The following CLEC6A variants were observed in gnomAD, a reference collection of about 807,000 sequenced individuals.
The protein encoded by CLEC6A is C-type lectin domain containing 6A, also known as C-type lectin domain family 6 member A.
CLEC6A carries 22 observed loss-of-function variants against 25.7 expected under a neutral mutation model. The ratio of observed to expected loss-of-function variants is 0.85; its 90% CI spans 0.61 to 1.22. The LOEUF (loss-of-function observed/expected upper bound fraction) is 1.22, where lower values mean the gene tolerates loss of function less well. Among genes scored for constraint, CLEC6A ranks in the 50% most tolerant of loss-of-function variants. The pLI is 0.00. For missense variants in CLEC6A, 240 were observed against 236.8 expected (o/e 1.01, Z -0.09); for synonymous variants, 92 against 76.7 (o/e 1.20, Z -1.04).
At chr12:8,468,894 C>T (rs558769854) in intron 4 of CLEC6A, among the ~76,000 whole-genome samples, 2 of 152,068 alleles carry the variant, frequency 1.3e-5, no homozygotes, top group African/African-American at 2.4e-5. Flanking sequence ...AGGATGCCCA[C>T]TCTTACCATT....
chr12:8,463,072 A>G (rs1374873456), intron 3 of CLEC6A, among the ~76,000 whole-genome samples: 1 of 152,210 alleles, frequency 6.6e-6, no homozygotes, highest in African/African-American at 2.4e-5. Flanking sequence ...AACAATCAGA[A>G]ACATGTATTG....
At position 8,477,320 on chromosome 12, in the gene CLEC6A, A is replaced by C. The variant is rs1004349180; in HGVS notation, c.486A>C (p.Arg162Ser). The C allele has an allele frequency of 1.6e-5, 25 of 1,602,522 alleles. No individual in the cohort carries two copies. The highest frequency in any genetic ancestry group is 2.1e-5 in the Non-Finnish European group (25 of 1,175,840). ...GTACTACCTTTTTGTTTTCCTTTAG[A>C]TTTTGGCACCTAGGTGAGCCCAATC... ...IDKTPYEKNVRFWHLGEPNHS... is the reference protein window; with the variant it reads ...IDKTPYEKNVSFWHLGEPNHS... The change falls in exon 6 of 6, where the codon AGA (arginine) becomes AGC (serine). Residue 162 changes from arginine (R) to serine (S), a missense_variant and splice_region_variant. Arg to Ser is a moderately radical substitution (Grantham distance 110). Coordinates refer to ENST00000382073, the MANE Select transcript of CLEC6A (RefSeq NM_001007033.2).
At chr12:8,460,866 G>T in intron 3 of CLEC6A, 3 of 897,182 alleles carry the variant, frequency 3.3e-6, no homozygotes, top group Non-Finnish European at 5.6e-6. Flanking sequence ...CTTACCGCAA[G>T]CCTGTCTATC....
Position 8,477,461 on chromosome 12 carries a change from A to C in CLEC6A, c.627A>C (p.Leu209=). 6.2e-7 allele frequency: 1 copy of C among 1,600,836 alleles called. No homozygotes were observed. The highest frequency in any genetic ancestry group is 8.5e-7 in the Non-Finnish European group (1 of 1,174,654). Residue 209 remains leucine, a synonymous_variant, in exon 6 of 6, where the codon CTA becomes CTC. Transcript: ENST00000382073. ...NSICEMNKIY[L] ...TATGTGAGATGAATAAGATTTACCT[A>C]TGAGTAGAAGCTTAATTGGAAAGAA...
chr12:8,457,152 G>C lies in CLEC6A; in HGVS notation c.32-746G>C, dbSNP rs190475697. ...AACTACAGTTATCCTGCTGTGCTAA[G>C]GGACACTAGATTTTATTTCTTCTAG... On this transcript the variant is annotated intron_variant, in intron 1 of 5. Coordinates refer to ENST00000382073, the MANE Select transcript of CLEC6A (RefSeq NM_001007033.2). 2.6e-5 allele frequency among the ~76,000 whole-genome samples: 4 copies of C among 151,962 alleles called. No homozygotes were observed. The East Asian group carries it at 7.7e-4, about 29-fold the overall frequency.
chr12:8,460,608 A>G (rs10770739), intron 3 of CLEC6A: 998,463 of 1,272,610 alleles, frequency 0.78, 394,828 homozygotes, highest in East Asian at 0.99. Context: ...AAGCCATCAC[A>G]TAAGTCAAGA....
At chr12:8,470,787 T>G (rs1303107763) in intron 4 of CLEC6A, among the ~76,000 whole-genome samples, 1 of 151,992 alleles carries the variant, frequency 6.6e-6, no homozygotes, top group Non-Finnish European at 1.5e-5. Flanking sequence ...GACTACACAT[T>G]GGGTACAGTG....
At chr12:8,473,010 T>G (rs1240762136) in intron 4 of CLEC6A, among the ~76,000 whole-genome samples, 1 of 9,786 alleles carries the variant, frequency 1.0e-4, no homozygotes, top group African/African-American at 2.1e-4. Flanking sequence ...TTTTTTTTTT[T>G]TTTGAGACGG....
chr12:8,469,615 A>G (rs1939879048), intron 4 of CLEC6A, among the ~76,000 whole-genome samples: 1 of 152,096 alleles, frequency 6.6e-6, no homozygotes, highest in Non-Finnish European at 1.5e-5. Context: ...AGAATAGAGA[A>G]CCCAGAAATA....
intron 3 of CLEC6A, chr12:8,461,166 T>A: frequency 7.7e-7 from 1 of 1,291,896 alleles, no homozygotes; most frequent in Admixed American, 1.7e-5. Flanking sequence ...TCCACCACAC[T>A]ATTTGTGGTT....
At chr12:8,474,677 C>G (rs1345828135) in intron 4 of CLEC6A, among the ~76,000 whole-genome samples, 1 of 152,084 alleles carries the variant, frequency 6.6e-6, no homozygotes, top group East Asian at 1.9e-4. Flanking sequence ...ACTTGTTAAG[C>G]CTTCAGGTTC....
At chr12:8,476,262 T>A (rs1939973350) in intron 5 of CLEC6A, 22 bp downstream of exon 5, 1 of 1,363,584 alleles carries the variant, frequency 7.3e-7, no homozygotes, top group African/African-American at 1.5e-5. Flanking sequence ...TCTGGGGCCT[T>A]GTTTACATAG....
chr12:8,460,867 C>A, intron 3 of CLEC6A: 1 of 895,230 alleles, frequency 1.1e-6, no homozygotes, highest in Non-Finnish European at 1.9e-6. Context: ...TTACCGCAAG[C>A]CTGTCTATCA....
chr12:8,467,581 C>G (rs993458800), intron 4 of CLEC6A, among the ~76,000 whole-genome samples: 1 of 152,122 alleles, frequency 6.6e-6, no homozygotes, highest in Non-Finnish European at 1.5e-5. Context: ...CACACTGCTT[C>G]GATTACTGTA....
Position 8,455,964 on chromosome 12 carries a change from T to G in CLEC6A, c.-148T>G. The G allele has an allele frequency of 2.0e-6, 1 of 493,578 alleles. No individual in the cohort carries two copies. Among genetic ancestry groups the G allele is most frequent in the African/African-American group, 1.9e-5 (1 of 51,756 alleles). 30.6% of individuals were successfully genotyped at this position (493,578 alleles called of 1,614,324 possible). On this transcript the variant is annotated 5_prime_UTR_variant, in exon 1 of 6. An upstream start codon of the reference 5' UTR is lost. Transcript: ENST00000382073. Reference sequence around the variant, plus strand: ...ACTTCTTCTTTTGAGGTACACTTAATGTTGGAAGTCTCTTAGTCCTATAAG... The same window carrying G: ...ACTTCTTCTTTTGAGGTACACTTAAGGTTGGAAGTCTCTTAGTCCTATAAG...
chr12:8,459,284 G>A (rs1464882185), intron 2 of CLEC6A, among the ~76,000 whole-genome samples: 3 of 151,840 alleles, frequency 2.0e-5, no homozygotes, highest in South Asian at 4.2e-4. Context: ...ATATATTTAC[G>A]GGGTACATGA....
chr12:8,473,867 T>C (rs905301198), intron 4 of CLEC6A, among the ~76,000 whole-genome samples: 3 of 152,232 alleles, frequency 2.0e-5, no homozygotes, highest in Non-Finnish European at 2.9e-5. Context: ...GCTGCTTATA[T>C]ATCTTCTTTT....
At chr12:8,463,160 A>G (rs1430877412) in intron 3 of CLEC6A, among the ~76,000 whole-genome samples, 1 of 152,176 alleles carries the variant, frequency 6.6e-6, no homozygotes, top group Admixed American at 6.5e-5. Flanking sequence ...CATCTGTCAA[A>G]ATATGTAGAT....
intron 3 of CLEC6A, among the ~76,000 whole-genome samples, chr12:8,462,959 T>C (rs779633167): frequency 5.3e-5 from 8 of 152,236 alleles, no homozygotes; most frequent in African/African-American, 1.9e-4. Flanking sequence ...TCTGGAACAT[T>C]GTAAATATTG....
Sources: allele counts gnomAD v4.1 joint callset (sites outside exome capture counted in the v4.1 genomes callset), GRCh38; gene constraint gnomAD v4.1.1; transcripts MANE v1.5; gene names NCBI Gene and HGNC (gene_info 2026-07-23, HGNC 2026-07-21).